Variants in TENM2 observed in about 807,000 individuals in gnomAD.
The protein encoded by TENM2 is teneurin-2.
A neutral mutation model predicts 245.2 loss-of-function variants in TENM2; 52 were observed. The observed-to-expected ratio is 0.21, with a 90% CI of 0.17 to 0.27. The LOEUF (loss-of-function observed/expected upper bound fraction) is 0.27. TENM2 is among the 10% of genes least tolerant of loss of function. The pLI is 1.00. For missense variants in TENM2, 3,046 were observed against 3,666.8 expected, an observed-to-expected ratio of 0.83 and a Z score of 4.37; for synonymous variants, 1,363 against 1,438.9, an observed-to-expected ratio of 0.95 and a Z score of 1.19.
chr5:167,259,638 C>G, the TENM2 span, among the ~76,000 whole-genome samples: 2 of 152,208 alleles, frequency 1.3e-5, no homozygotes. Context: ...GTTAGTAACT[C>G]ACACATCTAA....
chr5:167,913,140 C>T (rs1776678388), intron 3 of TENM2, among the ~76,000 whole-genome samples: 1 of 152,176 alleles, frequency 6.6e-6, no homozygotes, highest in Admixed American at 6.5e-5. Context: ...GGGCGCTCAC[C>T]CAAGCTCCCT....
chr5:168,121,404 C>G (rs1795458391), intron 10 of TENM2, among the ~76,000 whole-genome samples: 1 of 152,220 alleles, frequency 6.6e-6, no homozygotes, highest in Admixed American at 6.5e-5. Context: ...ATTTAAAATT[C>G]ATAGTAAAAC....
chr5:167,434,412 CAAAAAAAA>C (rs61683445), intron 2 of TENM2, among the ~76,000 whole-genome samples: 1 of 74,480 alleles, frequency 1.3e-5, no homozygotes, highest in Non-Finnish European at 2.5e-5. Context: ...GACTCTATCT[CAAAAAAAA>C]AAAAAAAAAA....
At chr5:168,082,666 C>G (rs1792106582) in intron 7 of TENM2, among the ~76,000 whole-genome samples, 1 of 152,182 alleles carries the variant, frequency 6.6e-6, no homozygotes, top group African/African-American at 2.4e-5. Context: ...AGTTTTCCCT[C>G]TAACAGTCAG....
At chr5:168,085,944 G>A (rs1437265483) in intron 7 of TENM2, among the ~76,000 whole-genome samples, 1 of 152,244 alleles carries the variant, frequency 6.6e-6, no homozygotes, top group Non-Finnish European at 1.5e-5. Flanking sequence ...AGAGTGAGGG[G>A]AGTGGCAGGC....
At chr5:167,030,163 T>G in the TENM2 span, among the ~76,000 whole-genome samples, 22 of 152,326 alleles carry the variant, frequency 1.4e-4, no homozygotes, top group African/African-American at 5.1e-4. Flanking sequence ...TATCACGTTT[T>G]TCTTCCTGAG....
At chr5:167,686,309 T>C (rs1339044558) in intron 2 of TENM2, among the ~76,000 whole-genome samples, 1 of 152,150 alleles carries the variant, frequency 6.6e-6, no homozygotes, top group Non-Finnish European at 1.5e-5. Context: ...TGTTTTAGAT[T>C]AGAGATGGAA....
chr5:168,145,237 A>G (rs1404767969), intron 12 of TENM2, among the ~76,000 whole-genome samples: 4 of 142,620 alleles, frequency 2.8e-5, no homozygotes, highest in Middle Eastern at 3.6e-3. Flanking sequence ...TTGGTGTTTT[A>G]GACATGAAGT....
intron 9 of TENM2, among the ~76,000 whole-genome samples, chr5:168,111,465 T>C (rs1794664238): frequency 6.6e-6 from 1 of 152,190 alleles, no homozygotes; most frequent in Non-Finnish European, 1.5e-5. Flanking sequence ...AGGTCAGAGA[T>C]GAGCATCACA....
intron 2 of TENM2, among the ~76,000 whole-genome samples, chr5:167,691,253 T>G (rs746000085): frequency 6.6e-6 from 1 of 152,172 alleles, no homozygotes; most frequent in Non-Finnish European, 1.5e-5. Flanking sequence ...ACCTTTGGCC[T>G]CATTTTGCCT....
At chr5:167,131,927 A>T in the TENM2 span, among the ~76,000 whole-genome samples, 1 of 152,114 alleles carries the variant, frequency 6.6e-6, no homozygotes, top group Non-Finnish European at 1.5e-5. Flanking sequence ...GGTTCAAGCA[A>T]TTCTCCTGCC....
intron 2 of TENM2, among the ~76,000 whole-genome samples, chr5:167,445,330 T>TAGGGAGAGAGAG (rs1275688569): frequency 1.8e-4 from 9 of 49,294 alleles, no homozygotes; most frequent in East Asian, 1.5e-3. Flanking sequence ...TATATATATA[T>TAGGGAGAGAGAG]ATATATAGAG....
At chr5:168,227,972 T>G in exon 25 of TENM2, 1 of 1,613,742 alleles carries the variant, frequency 6.2e-7, no homozygotes, top group Non-Finnish European at 8.5e-7. Context: ...GGGTATCAGC[T>G]TCCACAGCGA....
At chr5:167,822,790 G>A (rs999069381) in intron 2 of TENM2, among the ~76,000 whole-genome samples, 2 of 152,190 alleles carry the variant, frequency 1.3e-5, no homozygotes, top group Admixed American at 6.5e-5. Context: ...TTGTAGGGGG[G>A]CTATTAGCAG....
chr5:167,539,194 G>C (rs1172935348), intron 2 of TENM2, among the ~76,000 whole-genome samples: 1 of 152,090 alleles, frequency 6.6e-6, no homozygotes, highest in Non-Finnish European at 1.5e-5. Context: ...TCAGAACCAA[G>C]TATGTTTAAT....
rs1771128002 is a variant in TENM2 at position 167,856,686 on chromosome 5, C to G, written c.503-19300C>G. ...TTGAGACATAAATAATCTTCTGTCT[C>G]CTTTTCCCCACGGGGCTGTGAGAGC... On this transcript the variant is annotated intron_variant, in intron 2 of 28. Coordinates refer to ENST00000518659, the Ensembl canonical transcript of TENM2. 2.0e-5 allele frequency among the ~76,000 whole-genome samples: 3 copies of G among 152,282 alleles called. No individual in the cohort carries two copies. The South Asian group carries it at 6.2e-4, about 32-fold the overall frequency.
chr5:167,695,684 T>C (rs1324689147), intron 2 of TENM2, among the ~76,000 whole-genome samples: 2 of 151,580 alleles, frequency 1.3e-5, no homozygotes, highest in Non-Finnish European at 2.9e-5. Flanking sequence ...TTTTACCCTC[T>C]ATCTGTGGCT....
intron 2 of TENM2, among the ~76,000 whole-genome samples, chr5:167,731,478 G>C (rs566738142): frequency 5.3e-5 from 8 of 152,164 alleles, no homozygotes; most frequent in African/African-American, 1.9e-4. Context: ...GGTTGAACCC[G>C]GTCAGAAGAG....
At chr5:167,139,094 C>G in the TENM2 span, among the ~76,000 whole-genome samples, 1 of 152,206 alleles carries the variant, frequency 6.6e-6, no homozygotes, top group Non-Finnish European at 1.5e-5. Context: ...GTCAAAGACA[C>G]AGACTCATTT....
Sources: allele counts gnomAD v4.1 joint callset (sites outside exome capture counted in the v4.1 genomes callset), GRCh38; gene constraint gnomAD v4.1.1; transcripts MANE v1.5; gene names NCBI Gene and HGNC (gene_info 2026-07-23, HGNC 2026-07-21).